GALNT2: variants seen among roughly 807,000 people sequenced by gnomAD.
GALNT2 encodes the protein UDP-GalNAc:polypeptide N-acetylgalactosaminyltransferase 2.
GALNT2 carries 31 observed loss-of-function variants against 81.4 expected under a neutral mutation model. The observed-to-expected ratio is 0.38, with a 90% CI of 0.29 to 0.51. GALNT2 has a LOEUF of 0.51. Ranked by LOEUF, GALNT2 falls within the 20% of genes least tolerant of loss-of-function variation. The pLI is 0.87. For missense variants in GALNT2, 629 were observed against 765.7 expected, an observed-to-expected ratio of 0.82 and a Z score of 2.11; for synonymous variants, 303 against 287.4, an observed-to-expected ratio of 1.05 and a Z score of -0.55.
chr1:230,158,319 G>T (rs1662325078), intron 1 of GALNT2, among the ~76,000 whole-genome samples: 1 of 152,236 alleles, frequency 6.6e-6, no homozygotes, highest in Non-Finnish European at 1.5e-5. Flanking sequence ...GAACACAGCA[G>T]TTGGTTGTAG....
chr1:230,063,719 G>C (rs1169830731), upstream of GALNT2, among the ~76,000 whole-genome samples: 1 of 152,184 alleles, frequency 6.6e-6, no homozygotes, highest in Non-Finnish European at 1.5e-5. Context: ...CAATTGATAA[G>C]TGTTTAGGAA....
At chr1:230,080,303 G>A (rs1659688144) in intron 1 of GALNT2, among the ~76,000 whole-genome samples, 1 of 152,182 alleles carries the variant, frequency 6.6e-6, no homozygotes, top group African/African-American at 2.4e-5. Flanking sequence ...GTGGAGAAGG[G>A]GAGGCCTCGG....
At chr1:230,267,168 GCT>G (rs1170487835) in intron 14 of GALNT2, among the ~76,000 whole-genome samples, 1 of 152,292 alleles carries the variant, frequency 6.6e-6, no homozygotes, top group African/African-American at 2.4e-5. Context: ...AGCTTGTTTT[GCT>G]CTCTGTTTCG....
chr1:230,151,267 T>G (rs1662085740), intron 1 of GALNT2, among the ~76,000 whole-genome samples: 1 of 152,166 alleles, frequency 6.6e-6, no homozygotes, highest in African/African-American at 2.4e-5. Flanking sequence ...AGTGTCCCAG[T>G]AGAACGCACT....
intron 3 of GALNT2, among the ~76,000 whole-genome samples, chr1:230,214,118 T>C (rs1162184375): frequency 8.2e-6 from 1 of 122,196 alleles, no homozygotes; most frequent in Non-Finnish European, 1.6e-5. Context: ...AACTTTACTT[T>C]TTTTTTTTTT....
At chr1:230,189,587 C>T (rs1259235751) in intron 2 of GALNT2, among the ~76,000 whole-genome samples, 1 of 152,114 alleles carries the variant, frequency 6.6e-6, no homozygotes, top group Non-Finnish European at 1.5e-5. Flanking sequence ...GTTCCCCGAC[C>T]CTTTGTTTTT....
chr1:230,262,833 C>T, intron 12 of GALNT2, 89 bp from the exon 13 acceptor site: 3 of 1,408,776 alleles, frequency 2.1e-6, no homozygotes, highest in Non-Finnish European at 3.0e-6. Context: ...TGCCCCAACC[C>T]TGTTCTCCTC....
At chr1:230,274,296 G>C in intron 14 of GALNT2, 149 bp from the exon 15 acceptor site, 1 of 1,084,912 alleles carries the variant, frequency 9.2e-7, no homozygotes, top group Non-Finnish European at 1.3e-6. Context: ...TAGGCAAAAA[G>C]TAATTGTTTC....
intron 11 of GALNT2, among the ~76,000 whole-genome samples, chr1:230,261,411 C>G (rs1665873396): frequency 6.6e-6 from 1 of 152,182 alleles, no homozygotes; most frequent in Admixed American, 6.5e-5. Context: ...AGCATTACCT[C>G]CTTACTGTAT....
chr1:230,268,266 CAT>C (rs1377094945), intron 14 of GALNT2: 15 of 152,314 alleles, frequency 9.8e-5, no homozygotes, highest in East Asian at 5.8e-4. Context: ...CAAATGCAGA[CAT>C]GTGGATAATT....
chr1:230,182,804 A>G (rs549247339), intron 2 of GALNT2, among the ~76,000 whole-genome samples: 1 of 152,308 alleles, frequency 6.6e-6, no homozygotes, highest in East Asian at 1.9e-4. Context: ...CTCTTGCAGG[A>G]TCTGCCCATT....
chr1:230,126,690 T>C (rs1331681543), intron 1 of GALNT2, among the ~76,000 whole-genome samples: 1 of 152,126 alleles, frequency 6.6e-6, no homozygotes, highest in Non-Finnish European at 1.5e-5. Context: ...ATGGGAAATG[T>C]CAATGTTGAC....
At chr1:230,096,887 A>G (rs549693446) in intron 1 of GALNT2, among the ~76,000 whole-genome samples, 1 of 152,306 alleles carries the variant, frequency 6.6e-6, no homozygotes, top group South Asian at 2.1e-4. Flanking sequence ...CAGATGGTAA[A>G]TAGATTCTGC....
chr1:230,151,968 T>C (rs1662106662), intron 1 of GALNT2, among the ~76,000 whole-genome samples: 1 of 152,184 alleles, frequency 6.6e-6, no homozygotes. Flanking sequence ...TTGTGAATTA[T>C]CATGGTGCTG....
chr1:230,215,549 G>C (rs1233598265), intron 3 of GALNT2, among the ~76,000 whole-genome samples: 1 of 152,214 alleles, frequency 6.6e-6, no homozygotes, highest in Non-Finnish European at 1.5e-5. Flanking sequence ...AAACACCTGA[G>C]TGTTTTATTT....
At chr1:230,254,749 T>G (rs192999585) in intron 10 of GALNT2, among the ~76,000 whole-genome samples, 14 of 152,350 alleles carry the variant, frequency 9.2e-5, no homozygotes, top group African/African-American at 3.4e-4. Context: ...TGTACATATT[T>G]ATATACCTTC....
At chr1:230,114,435 T>C (rs754666) in intron 1 of GALNT2, among the ~76,000 whole-genome samples, 64,301 of 152,120 alleles carry the variant, frequency 0.42, 13,590 homozygotes, top group South Asian at 0.53. Context: ...GGTTTGTAAA[T>C]GGGCAGACGT....
intron 2 of GALNT2, among the ~76,000 whole-genome samples, chr1:230,187,034 T>C (rs1414943303): frequency 6.6e-6 from 1 of 152,168 alleles, no homozygotes; most frequent in East Asian, 1.9e-4. Flanking sequence ...GTGTCAGTGG[T>C]GTGTTCAGGA....
Position 230,279,251 on chromosome 1 carries a change from T to C in GALNT2, c.1561-52T>C. On this transcript the variant is annotated intron_variant, in intron 15 of 15. Transcript: ENST00000366672. This position sits in a 1 kb window ranked among gnomAD's most constrained non-coding sequence, Gnocchi z 4.6. ...GGTCCTGAATTCACACGAATCTGTT[T>C]GTACTCCTTTGCTTGTGCCCACACT... The C allele has an allele frequency of 1.3e-6, 2 of 1,567,930 alleles. No individual in the cohort carries two copies. The highest frequency in any genetic ancestry group is 1.2e-5 in the South Asian group (1 of 85,646).
Sources: gnomAD v4.1 joint callset for allele counts (sites outside exome capture counted in the v4.1 genomes callset) on GRCh38, gnomAD v4.1.1 for gene constraint, Gnocchi (gnomAD v3.1) non-coding constraint, MANE v1.5 for transcripts, NCBI Gene and HGNC (gene_info 2026-07-23, HGNC 2026-07-21) for gene names.